TMTC2: variants seen among roughly 807,000 people sequenced by gnomAD.
TMTC2 encodes the protein transmembrane O-mannosyltransferase targeting cadherins 2.
Under a neutral mutation model 82.4 loss-of-function variants are expected in TMTC2, and 43 were observed. The observed-to-expected ratio is 0.52, with a 90% CI of 0.41 to 0.67. The LOEUF is 0.67. TMTC2 is among the 30% of genes least tolerant of loss of function. TMTC2 has a pLI of 0.00. For missense variants in TMTC2, 919 were observed against 1,012.4 expected (o/e 0.91, Z 1.25); for synonymous variants, 408 against 381.9 (o/e 1.07, Z -0.80).
intron 7 of TMTC2, 56 bp downstream of exon 7, chr12:82,967,053 G>A: frequency 7.5e-7 from 1 of 1,331,638 alleles, no homozygotes; most frequent in Non-Finnish European, 1.1e-6. Flanking sequence ...TGGAGAAACA[G>A]GAACCCATGT....
chr12:82,730,288 C>CT (rs1164947899), intron 1 of TMTC2, among the ~76,000 whole-genome samples: 2 of 101,806 alleles, frequency 2.0e-5, no homozygotes, highest in Admixed American at 1.1e-4. Context: ...GAGCAAAACT[C>CT]TGTCTCTCAA....
At position 82,857,030 on chromosome 12, in the gene TMTC2, A is replaced by G; in HGVS notation, c.104A>G (p.Gln35Arg). The G allele has an allele frequency of 6.2e-7, 1 of 1,612,878 alleles. No homozygotes were observed. Among genetic ancestry groups the G allele is most frequent in the Non-Finnish European group, 8.5e-7 (1 of 1,179,982 alleles). Reference protein sequence around the residue: ...YDDSRAIKTNQDLLPETPWTH... With the variant: ...YDDSRAIKTNRDLLPETPWTH... ...TTTAGCCGTGCTATCAAGACTAATC[A>G]GGACCTTCTCCCAGAAACTCCATGG... The change falls in exon 2 of 12, where the codon CAG becomes CGG. Residue 35 changes from glutamine to arginine, a missense_variant. Coordinates refer to ENST00000321196, the MANE Select transcript of TMTC2 (RefSeq NM_152588.3).
chr12:82,926,496 G>A (rs1021684423), intron 3 of TMTC2, among the ~76,000 whole-genome samples: 2 of 152,232 alleles, frequency 1.3e-5, no homozygotes, highest in African/African-American at 2.4e-5. Context: ...ACAGGGTGAA[G>A]CAGTAAGTAC....
intron 1 of TMTC2, among the ~76,000 whole-genome samples, chr12:82,765,100 G>A (rs1338186513): frequency 1.3e-5 from 2 of 152,050 alleles, no homozygotes; most frequent in African/African-American, 4.8e-5. Context: ...TATGGGGGAG[G>A]CATGTAGCTT....
intron 4 of TMTC2, among the ~76,000 whole-genome samples, chr12:82,956,075 T>C (rs1301544116): frequency 1.3e-5 from 2 of 152,102 alleles, no homozygotes; most frequent in African/African-American, 4.8e-5. Context: ...TTATGTGAAA[T>C]CCTTGAGTTG....
intron 1 of TMTC2, among the ~76,000 whole-genome samples, chr12:82,824,193 C>G (rs1458885626): frequency 8.5e-5 from 13 of 152,172 alleles, no homozygotes; most frequent in Non-Finnish European, 4.4e-5. Flanking sequence ...CGCGCCTGGC[C>G]TATTCCATTT....
rs149728158 is a variant in TMTC2 at position 82,998,262 on chromosome 12, G to A, written c.2070+12216G>A. Among the ~76,000 whole-genome samples, 369 of 152,212 alleles carry A rather than the reference G, an allele frequency of 2.4e-3. 1 individual carries two copies. Among genetic ancestry groups the A allele is most frequent in the Non-Finnish European group, 3.9e-3 (267 of 68,000 alleles). ...GACGGAGATAATAGGAGAGCTCCAG[G>A]AAATCAGCATGGAAGTGCCAATGAG... On this transcript the variant is annotated intron_variant, in intron 8 of 11. Transcript: ENST00000321196.
intron 2 of TMTC2, among the ~76,000 whole-genome samples, chr12:82,870,438 A>C (rs564273980): frequency 8.5e-5 from 13 of 152,316 alleles, no homozygotes; most frequent in Non-Finnish European, 1.8e-4. Context: ...TTACTGTTTG[A>C]AATAGTTTAT....
intron 1 of TMTC2, among the ~76,000 whole-genome samples, chr12:82,798,145 C>A (rs1358407764): frequency 1.3e-5 from 2 of 150,612 alleles, no homozygotes; most frequent in South Asian, 4.2e-4. Context: ...TTAGTAGAGA[C>A]GGGGTTTCAC....
At chr12:82,777,340 A>G (rs1470634660) in intron 1 of TMTC2, among the ~76,000 whole-genome samples, 1 of 152,170 alleles carries the variant, frequency 6.6e-6, no homozygotes, top group African/African-American at 2.4e-5. Context: ...TTATTAAGAT[A>G]GGTTAAATAT....
At chr12:82,774,543 C>G (rs1431235929) in intron 1 of TMTC2, among the ~76,000 whole-genome samples, 14 of 151,740 alleles carry the variant, frequency 9.2e-5, no homozygotes, top group Admixed American at 9.2e-4. Context: ...GTTGCTTGAA[C>G]TGGGGAGGTG....
At chr12:82,873,473 G>GT (rs1456194701) in intron 2 of TMTC2, among the ~76,000 whole-genome samples, 17 of 152,034 alleles carry the variant, frequency 1.1e-4, no homozygotes, top group Admixed American at 9.8e-4. Flanking sequence ...TTCTTAATTT[G>GT]TTTTTTCAAA....
At chr12:83,064,841 T>C (rs577085912) in intron 11 of TMTC2, among the ~76,000 whole-genome samples, 15 of 152,018 alleles carry the variant, frequency 9.9e-5, no homozygotes, top group Non-Finnish European at 1.9e-4. Flanking sequence ...ATTACCTTTA[T>C]TCATAAAAAA....
At chr12:82,835,720 T>G (rs1252411353) in intron 1 of TMTC2, among the ~76,000 whole-genome samples, 3 of 152,212 alleles carry the variant, frequency 2.0e-5, no homozygotes, top group Non-Finnish European at 4.4e-5. Flanking sequence ...TTGTTGGAGT[T>G]CTATTGGAGA....
intron 11 of TMTC2, among the ~76,000 whole-genome samples, chr12:83,065,420 C>G (rs1755381911): frequency 6.6e-6 from 1 of 151,790 alleles, no homozygotes; most frequent in African/African-American, 2.4e-5. Context: ...GATACTGTCT[C>G]TTTATCAGAG....
Position 82,787,653 on chromosome 12 carries a change from A to G in TMTC2, c.84-69357A>G, listed in dbSNP as rs561809342. ...GCCAGACGCAGTTGCTCACTCCTGT[A>G]ATCCCGGCATTTTGGGAAGCCGAGG... On this transcript the variant is annotated intron_variant, in intron 1 of 11. Coordinates refer to ENST00000321196, the MANE Select transcript of TMTC2 (RefSeq NM_152588.3). Among the ~76,000 whole-genome samples, 29 of 152,274 alleles carry G rather than the reference A, an allele frequency of 1.9e-4. 1 individual carries two copies. In the South Asian group the frequency reaches 6.0e-3, roughly 32 times the overall value.
At chr12:82,909,130 T>G in intron 3 of TMTC2, among the ~76,000 whole-genome samples, 1 of 152,250 alleles carries the variant, frequency 6.6e-6, no homozygotes, top group East Asian at 1.9e-4. Flanking sequence ...ATTCTCTAAG[T>G]TTTTTAAATT....
At chr12:83,024,424 T>G (rs1298576130) in intron 8 of TMTC2, among the ~76,000 whole-genome samples, 1 of 152,216 alleles carries the variant, frequency 6.6e-6, no homozygotes, top group Non-Finnish European at 1.5e-5. Flanking sequence ...CTTTCATATT[T>G]GTTATTGGTA....
intron 1 of TMTC2, among the ~76,000 whole-genome samples, chr12:82,782,018 C>T (rs975332832): frequency 6.6e-6 from 1 of 152,092 alleles, no homozygotes; most frequent in Non-Finnish European, 1.5e-5. Context: ...AGACCTCCCC[C>T]ATCCGCAGAG....
Sources: allele counts gnomAD v4.1 joint callset (sites outside exome capture counted in the v4.1 genomes callset), GRCh38; gene constraint gnomAD v4.1.1; transcripts MANE v1.5; gene names NCBI Gene and HGNC (gene_info 2026-07-23, HGNC 2026-07-21).